The following SRPK1 variants were observed in gnomAD, a reference collection of about 807,000 sequenced individuals.
SRPK1 encodes SRSF protein kinase 1.
In SRPK1, 52 loss-of-function variants were observed where a neutral mutation model predicts 89.5. The observed-to-expected ratio is 0.58, with a 90% CI of 0.46 to 0.73. The LOEUF is 0.73. SRPK1 is among the 30% of genes least tolerant of loss of function. The pLI, the probability that SRPK1 is intolerant of heterozygous loss-of-function variation, is 0.00. For missense variants in SRPK1, 603 were observed against 780.6 expected, an observed-to-expected ratio of 0.77 and a Z score of 2.71; for synonymous variants, 255 against 270.2, an observed-to-expected ratio of 0.94 and a Z score of 0.55.
chr6:35,872,594 T>C lies in SRPK1; in HGVS notation c.720A>G (p.Arg240=), dbSNP rs1165917780. The C allele has an allele frequency of 1.2e-6, 2 of 1,610,582 alleles. No individual in the cohort carries two copies. Among genetic ancestry groups the C allele is most frequent in the Non-Finnish European group, 1.7e-6 (2 of 1,178,670 alleles). Residue 240 remains arginine (R), a synonymous_variant, in exon 8 of 16, where the codon CGA becomes CGG. Transcript: ENST00000373825. Reference sequence around the variant, plus strand: ...ATCCGGAAGGCGGAGGAGCTCCAGATCGCTGCCATTCTGTTGCTTCTGCAG... The same window carrying C: ...ATCCGGAAGGCGGAGGAGCTCCAGACCGCTGCCATTCTGTTGCTTCTGCAG... ...RLAAEATEWQ[R]SGAPPPSGSA... is the part of the protein sequence containing the mutation.
At chr6:35,848,007 AT>A (rs1308086532) in intron 13 of SRPK1, among the ~76,000 whole-genome samples, 1 of 151,556 alleles carries the variant, frequency 6.6e-6, no homozygotes, top group East Asian at 2.0e-4. Flanking sequence ...TAGAGATGGG[AT>A]TTTGCCATGT....
chr6:35,886,844 G>C, intron 5 of SRPK1, 33 bp from the exon 6 acceptor site: 1 of 1,272,868 alleles, frequency 7.9e-7, no homozygotes, highest in Non-Finnish European at 1.1e-6. Context: ...TTTAGCACAA[G>C]GTAAAGCATG....
intron 12 of SRPK1, among the ~76,000 whole-genome samples, chr6:35,857,920 T>A (rs1769699500): frequency 6.6e-6 from 1 of 152,172 alleles, no homozygotes; most frequent in Admixed American, 6.5e-5. Flanking sequence ...TGTATACTAG[T>A]TTTCTACCTG....
At chr6:35,880,539 A>T (rs371676170) in intron 6 of SRPK1, among the ~76,000 whole-genome samples, 259 of 151,684 alleles carry the variant, frequency 1.7e-3, no homozygotes, top group Non-Finnish European at 3.2e-3. Context: ...CCTGGCCAAC[A>T]TGGTGAAATC....
rs916015655 is a variant in SRPK1, at chr6:35,838,698, A to C, written c.1691-269T>G. ...GAAGTATCCCTGGGTCCTACATAAC[A>C]ATACTACCTCTGTGACTGAAGAAGT... On this transcript the variant is annotated intron_variant, in intron 14 of 15. Transcript: ENST00000373825. 29 of 1,469,138 alleles carry C rather than the reference A, an allele frequency of 2.0e-5. No homozygotes were observed. In the African/African-American group the frequency reaches 3.5e-4, roughly 18 times the overall value. 91.0% of individuals were successfully genotyped at this position (1,469,138 alleles called of 1,614,324 possible).
intron 2 of SRPK1, chr6:35,904,923 C>G (rs960118933): frequency 9.5e-6 from 4 of 423,110 alleles, no homozygotes; most frequent in Non-Finnish European, 1.9e-5. Context: ...GAGAGGATCC[C>G]TTGAGGCCAG....
intron 2 of SRPK1, chr6:35,920,221 C>A (rs1461172770): frequency 8.4e-6 from 5 of 598,568 alleles, no homozygotes; most frequent in African/African-American, 1.8e-5. Context: ...AGGTACCGGG[C>A]GGGCTCTGGT....
intron 8 of SRPK1, among the ~76,000 whole-genome samples, chr6:35,871,257 A>C (rs1373084411): frequency 6.6e-6 from 1 of 152,192 alleles, no homozygotes; most frequent in Non-Finnish European, 1.5e-5. Flanking sequence ...TTAAAATAGA[A>C]TGGGACAAGC....
intron 2 of SRPK1, among the ~76,000 whole-genome samples, chr6:35,892,016 G>C (rs1213760428): frequency 6.6e-6 from 1 of 152,024 alleles, no homozygotes; most frequent in Non-Finnish European, 1.5e-5. Flanking sequence ...TAACATTTTG[G>C]AATATTTCCT....
chr6:35,846,069 G>A (rs1204235683), intron 13 of SRPK1, among the ~76,000 whole-genome samples: 3 of 152,118 alleles, frequency 2.0e-5, no homozygotes, highest in African/African-American at 7.2e-5. Flanking sequence ...AAGAATAGGG[G>A]AAAAGGGAAA....
At chr6:35,860,562 A>G (rs1016793052) in intron 12 of SRPK1, among the ~76,000 whole-genome samples, 2 of 152,206 alleles carry the variant, frequency 1.3e-5, no homozygotes, top group Non-Finnish European at 2.9e-5. Flanking sequence ...TACAGAGTCA[A>G]TACGTTTCTC....
intron 2 of SRPK1, among the ~76,000 whole-genome samples, chr6:35,902,181 G>A (rs999617264): frequency 4.0e-5 from 6 of 151,244 alleles, no homozygotes; most frequent in African/African-American, 4.9e-5. Flanking sequence ...AGACCAAGGC[G>A]GGAGGAATGC....
intron 2 of SRPK1, among the ~76,000 whole-genome samples, chr6:35,914,279 G>A (rs141061141): frequency 6.6e-6 from 1 of 151,864 alleles, no homozygotes; most frequent in South Asian, 2.1e-4. Flanking sequence ...ACCTGGCTAG[G>A]ATACATTCTT....
intron 13 of SRPK1, among the ~76,000 whole-genome samples, chr6:35,846,922 T>C (rs180926215): frequency 1.3e-5 from 2 of 152,240 alleles, no homozygotes. Flanking sequence ...TCTTATTAGA[T>C]GGAGAAAATG....
intron 9 of SRPK1, among the ~76,000 whole-genome samples, chr6:35,870,710 C>T (rs1010594162): frequency 2.6e-5 from 4 of 152,064 alleles, no homozygotes; most frequent in Non-Finnish European, 5.9e-5. Context: ...CTGAGCAGTC[C>T]GTGGGGTTGG....
At chr6:35,892,655 AC>A (rs1770545353) in intron 2 of SRPK1, among the ~76,000 whole-genome samples, 1 of 59,536 alleles carries the variant, frequency 1.7e-5, no homozygotes, top group Non-Finnish European at 3.1e-5. Flanking sequence ...CTGTCTAAAA[AC>A]AACAACAACA....
intron 3 of SRPK1, among the ~76,000 whole-genome samples, chr6:35,889,262 G>C (rs930984189): frequency 6.6e-6 from 1 of 151,698 alleles, no homozygotes; most frequent in Non-Finnish European, 1.5e-5. Context: ...TACAATTACA[G>C]TCTCAGGTGT....
chr6:35,902,232 C>CAAAAAAAAAA (rs58763282), intron 2 of SRPK1, among the ~76,000 whole-genome samples: 11 of 83,498 alleles, frequency 1.3e-4, no homozygotes, highest in Non-Finnish European at 1.9e-4. Context: ...TCCGTCTCTA[C>CAAAAAAAAAA]AAAAAAAAAA....
At chr6:35,881,494 C>T (rs896640244) in intron 6 of SRPK1, among the ~76,000 whole-genome samples, 6 of 150,990 alleles carry the variant, frequency 4.0e-5, no homozygotes, top group African/African-American at 9.7e-5. Flanking sequence ...CAACTATATG[C>T]TGTCTACAAG....
Sources: gnomAD v4.1 joint callset for allele counts (sites outside exome capture counted in the v4.1 genomes callset) on GRCh38, gnomAD v4.1.1 for gene constraint, MANE v1.5 for transcripts, NCBI Gene and HGNC (gene_info 2026-07-23, HGNC 2026-07-21) for gene names.